QSOX2: variants seen among roughly 807,000 people sequenced by gnomAD.
The protein encoded by QSOX2 is sulfhydryl oxidase 2.
Under a neutral mutation model 61.7 loss-of-function variants are expected in QSOX2, and 46 were observed. The observed-to-expected ratio is 0.75, with a 90% confidence interval of 0.59 to 0.95. The LOEUF is 0.95. Ranked by LOEUF, QSOX2 falls within the 40% of genes least tolerant of loss-of-function variation. The pLI is 0.00. For synonymous variants in QSOX2, 383 were observed against 388.4 expected (o/e 0.99, Z 0.16); for missense variants, 879 against 918.9 (o/e 0.96, Z 0.56).
chr9:136,231,519 C>CCTCTCCACT (rs1191460627), intron 1 of QSOX2, among the ~76,000 whole-genome samples: 1 of 152,248 alleles, frequency 6.6e-6, no homozygotes, highest in East Asian at 1.9e-4. Context: ...TCCACTAGAC[C>CCTCTCCACT]AGAGGGCTCT....
Position 136,240,910 on chromosome 9 carries a change from C to T in QSOX2, c.328+4566G>A, listed in dbSNP as rs184570328. On this transcript the variant is annotated intron_variant, in intron 1 of 11. Coordinates refer to ENST00000358701, the MANE Select transcript of QSOX2 (RefSeq NM_181701.4). ...GGTAGGGAATGACAGTCCCTCAGCC[C>T]GTCCTCTGTCAGGGAAGCCCAAGCA... Among the ~76,000 whole-genome samples, 194 of 152,350 alleles carry T rather than the reference C, an allele frequency of 1.3e-3. 2 individuals are homozygous for T. Among genetic ancestry groups the T allele is most frequent in the African/African-American group, 4.3e-3 (180 of 41,586 alleles).
At chr9:136,244,228 C>A (rs895787385) in intron 1 of QSOX2, among the ~76,000 whole-genome samples, 1 of 152,146 alleles carries the variant, frequency 6.6e-6, no homozygotes, top group Non-Finnish European at 1.5e-5. Flanking sequence ...TGTCTAAAAA[C>A]CCCACTGAAC....
At position 136,211,247 on chromosome 9, in the gene QSOX2, G is replaced by T. The variant is rs1588631861; in HGVS notation, c.1549+17C>A. 1 of 1,612,168 alleles carries T rather than the reference G, an allele frequency of 6.2e-7. No individual in the cohort carries two copies. The highest frequency in any genetic ancestry group is 8.5e-7 in the Non-Finnish European group (1 of 1,178,584). ...CCTCCGCCCGTGCTGAGCCCCCCAT[G>T]CCCAGGGGCTTCTCACCTGCCAGGC... On this transcript the variant is annotated intron_variant, in intron 11 of 11. Coordinates refer to ENST00000358701, the MANE Select transcript of QSOX2 (RefSeq NM_181701.4).
intron 1 of QSOX2, among the ~76,000 whole-genome samples, chr9:136,241,989 A>G (rs1018103910): frequency 6.6e-6 from 1 of 152,244 alleles, no homozygotes; most frequent in African/African-American, 2.4e-5. Context: ...CAGACGGGCC[A>G]AAGTGTAGCC....
Position 136,226,699 on chromosome 9 carries a change from G to A in QSOX2, c.429+75C>T, listed in dbSNP as rs1160557690. The A allele has an allele frequency of 3.3e-6, 4 of 1,215,446 alleles. No individual in the cohort carries two copies. In the African/African-American group the frequency reaches 5.9e-5, roughly 18 times the overall value. The allele number at this position is 1,215,446 out of a possible 1,614,324, so 75.3% of individuals were successfully genotyped here. ...TGATGTGGCGAATTTCAACAGACAA[G>A]CAGCCGCGTGATGCTCACCTGGAAG... On this transcript the variant is annotated intron_variant, in intron 2 of 11. Coordinates refer to ENST00000358701, the MANE Select transcript of QSOX2 (RefSeq NM_181701.4).
In QSOX2 at chr9:136,221,778, C is replaced by A; in HGVS notation, c.821+18G>T. ...CTCCGAGCGGCACGGAGTTCCCAGA[C>A]CCCACCCGGGCACTCACACGTTAAT... On this transcript the variant is annotated intron_variant, in intron 6 of 11. Transcript: ENST00000358701. This position sits in a 1 kb window ranked among gnomAD's most constrained non-coding sequence, Gnocchi z 4.5. 6.3e-7 allele frequency: 1 copy of A among 1,578,474 alleles called. No individual in the cohort carries two copies. Among genetic ancestry groups the A allele is most frequent in the Non-Finnish European group, 8.6e-7 (1 of 1,159,540 alleles).
chr9:136,215,056 CT>C, intron 10 of QSOX2, 97 bp downstream of exon 10: 1 of 1,396,758 alleles, frequency 7.2e-7, no homozygotes, highest in Non-Finnish European at 9.5e-7. Context: ...TGGCGACATG[CT>C]GCCTCCCATA....
intron 1 of QSOX2, among the ~76,000 whole-genome samples, chr9:136,236,773 G>A (rs1247714164): frequency 6.6e-6 from 1 of 151,288 alleles, no homozygotes; most frequent in Non-Finnish European, 1.5e-5. Flanking sequence ...GCGTCACCTG[G>A]TGCCCGTCCT....
chr9:136,232,352 T>TCCC (rs2131064560), intron 1 of QSOX2, among the ~76,000 whole-genome samples: 1 of 152,324 alleles, frequency 6.6e-6, no homozygotes, highest in East Asian at 1.9e-4. Flanking sequence ...GTGTGTCCAC[T>TCCC]TAAATACGCA....
At chr9:136,245,335 G>C in intron 1 of QSOX2, 141 bp downstream of exon 1, 1 of 707,754 alleles carries the variant, frequency 1.4e-6, no homozygotes, top group Non-Finnish European at 2.2e-6. Context: ...GGGTGCCTCT[G>C]TGGGGCAGGG....
At chr9:136,229,360 T>G (rs1487845851) in intron 1 of QSOX2, among the ~76,000 whole-genome samples, 1 of 152,232 alleles carries the variant, frequency 6.6e-6, no homozygotes, top group African/African-American at 2.4e-5. Context: ...CGTGGGCAGC[T>G]CACGGGCGGA....
intron 6 of QSOX2, among the ~76,000 whole-genome samples, chr9:136,220,718 C>CT (rs547915907): frequency 2.0e-4 from 30 of 149,488 alleles, no homozygotes; most frequent in East Asian, 5.9e-4. Flanking sequence ...CATTTTCTTT[C>CT]TTTTTTTTTT....
intron 1 of QSOX2, among the ~76,000 whole-genome samples, chr9:136,231,255 G>A (rs1017101251): frequency 3.3e-5 from 5 of 152,168 alleles, no homozygotes; most frequent in South Asian, 4.1e-4. Context: ...AGGCGTGCCC[G>A]ACTCCGACTA....
chr9:136,230,046 C>A (rs1830316200), intron 1 of QSOX2, among the ~76,000 whole-genome samples: 1 of 151,812 alleles, frequency 6.6e-6, no homozygotes, highest in African/African-American at 2.4e-5. Flanking sequence ...TTTGGGAGGT[C>A]AAGGCAGGCA....
chr9:136,234,864 C>T (rs938033299), intron 1 of QSOX2, among the ~76,000 whole-genome samples: 1 of 152,128 alleles, frequency 6.6e-6, no homozygotes, highest in African/African-American at 2.4e-5. Context: ...CCAGCCTCAT[C>T]GCGCCACACC....
In QSOX2 at chr9:136,212,905, T is replaced by C. The variant is rs1279976723; in HGVS notation, c.1361-1453A>G. ...CCCAATTCTCTTGGCAGGAGGCTAC[T>C]CCTGGAGGCTGCTTCCAATATGCTG... is the stretch of plus-strand genomic sequence containing the variant. On this transcript the variant is annotated intron_variant, in intron 10 of 11. Transcript: ENST00000358701. Among the ~76,000 whole-genome samples, 3 of 152,230 alleles carry C rather than the reference T, an allele frequency of 2.0e-5. No homozygotes were observed. In the South Asian group the frequency reaches 6.2e-4, roughly 31 times the overall value.
chr9:136,224,355 C>T (rs974829431), intron 3 of QSOX2, among the ~76,000 whole-genome samples: 3 of 152,224 alleles, frequency 2.0e-5, no homozygotes. Flanking sequence ...GCCACAGGGA[C>T]AGGCAACAGA....
At chr9:136,236,870 C>A (rs1830388066) in intron 1 of QSOX2, among the ~76,000 whole-genome samples, 1 of 147,394 alleles carries the variant, frequency 6.8e-6, no homozygotes, top group Non-Finnish European at 1.5e-5. Flanking sequence ...TGTGCCACAC[C>A]TGGAGCCCTT....
chr9:136,224,596 T>A (rs1830261975), intron 3 of QSOX2, among the ~76,000 whole-genome samples: 1 of 152,254 alleles, frequency 6.6e-6, no homozygotes, highest in Non-Finnish European at 1.5e-5. Flanking sequence ...ATGTGATCTG[T>A]GCACATCTCC....
Sources: gnomAD v4.1 joint callset for allele counts (sites outside exome capture counted in the v4.1 genomes callset) on GRCh38, gnomAD v4.1.1 for gene constraint, Gnocchi (gnomAD v3.1) non-coding constraint, MANE v1.5 for transcripts, NCBI Gene and HGNC (gene_info 2026-07-23, HGNC 2026-07-21) for gene names.